RRAGD: variants seen among roughly 807,000 people sequenced by gnomAD.
RRAGD encodes Ras related GTP binding D.
A neutral mutation model predicts 35.5 loss-of-function variants in RRAGD; 12 were observed. That is an observed-to-expected ratio of 0.34 (90% CI 0.22 to 0.55). The LOEUF (loss-of-function observed/expected upper bound fraction) is 0.55. Ranked by LOEUF, RRAGD falls within the 20% of genes least tolerant of loss-of-function variation. The pLI is 0.91. For synonymous variants in RRAGD, 155 were observed against 178.9 expected (o/e 0.87, Z 1.07); for missense variants, 324 against 490.1 (o/e 0.66, Z 3.20).
chr6:89,403,193 G>A (rs1769507783), intron 1 of RRAGD, among the ~76,000 whole-genome samples: 1 of 152,158 alleles, frequency 6.6e-6, no homozygotes, highest in African/African-American at 2.4e-5. Flanking sequence ...TGTAATCTCA[G>A]CACTTTGGGA....
rs1555402 is a variant in RRAGD, at chr6:89,366,665, C to T, written c.*1391G>A. 43,964 of 151,772 alleles carry T rather than the reference C, an allele frequency of 0.29. 7,185 individuals carry two copies. The highest frequency in any genetic ancestry group is 0.43 in the African/African-American group (17,910 of 41,342). 9.4% of individuals were successfully genotyped at this position (151,772 alleles called of 1,614,324 possible). A position where few individuals can be genotyped will look rare whatever the true frequency, so the allele number is the denominator to read the frequency against. ...ATTTTCTAATGCCCCACAAGCATGCCTTAGGGTGCTAACCCTTGAGATGCA... is the reference window on the plus strand; with the variant it reads ...ATTTTCTAATGCCCCACAAGCATGCTTTAGGGTGCTAACCCTTGAGATGCA... On this transcript the variant is annotated 3_prime_UTR_variant, in exon 7 of 7. Coordinates refer to ENST00000369415, the MANE Select transcript of RRAGD (RefSeq NM_021244.5).
Position 89,364,965 on chromosome 6 carries a change from G to A in RRAGD, c.*3091C>T, listed in dbSNP as rs1201076973. On this transcript the variant is annotated 3_prime_UTR_variant, in exon 7 of 7. Coordinates refer to ENST00000369415, the MANE Select transcript of RRAGD (RefSeq NM_021244.5). Reference sequence around the variant, plus strand: ...GATGTACTGCTTAAAGTAAAACATGGACTATACCTGATTACAAATTACATC... The same window carrying A: ...GATGTACTGCTTAAAGTAAAACATGAACTATACCTGATTACAAATTACATC... 1 of 152,176 alleles carries A rather than the reference G, an allele frequency of 6.6e-6. No individual in the cohort carries two copies. Among genetic ancestry groups the A allele is most frequent in the African/African-American group, 2.4e-5 (1 of 41,444 alleles). 9.4% of individuals were successfully genotyped at this position (152,176 alleles called of 1,614,324 possible).
At chr6:89,394,047 G>T (rs56296624) in intron 1 of RRAGD, among the ~76,000 whole-genome samples, 3,667 of 152,222 alleles carry the variant, frequency 0.024, 147 homozygotes, top group African/African-American at 0.084. Flanking sequence ...GTGGCATCAG[G>T]AATAAGATTC....
chr6:89,405,117 A>G (rs575248318), intron 1 of RRAGD, among the ~76,000 whole-genome samples: 6 of 152,194 alleles, frequency 3.9e-5, no homozygotes, highest in South Asian at 2.1e-4. Flanking sequence ...TTGGGAGGCC[A>G]AGGTGGGCGG....
At chr6:89,406,034 G>C (rs1769571668) in intron 1 of RRAGD, among the ~76,000 whole-genome samples, 1 of 152,156 alleles carries the variant, frequency 6.6e-6, no homozygotes, top group Non-Finnish European at 1.5e-5. Flanking sequence ...ATTTTTCAAA[G>C]GCATAAAGAT....
At chr6:89,398,511 A>C (rs1249624306) in intron 1 of RRAGD, among the ~76,000 whole-genome samples, 3 of 152,260 alleles carry the variant, frequency 2.0e-5, no homozygotes, top group Non-Finnish European at 4.4e-5. Flanking sequence ...TTATGAATGC[A>C]GATTTAAAGT....
intron 1 of RRAGD, among the ~76,000 whole-genome samples, chr6:89,391,324 G>T (rs1439930389): frequency 2.0e-5 from 3 of 151,558 alleles, no homozygotes; most frequent in Non-Finnish European, 4.4e-5. Context: ...GCTCGAGGCT[G>T]CAGTGAGCCA....
At chr6:89,369,374 C>G (rs1768819430) in intron 6 of RRAGD, among the ~76,000 whole-genome samples, 1 of 152,202 alleles carries the variant, frequency 6.6e-6, no homozygotes, top group Admixed American at 6.5e-5. Flanking sequence ...GTGCAACAAA[C>G]TGTCTTAAAA....
At chr6:89,385,554 C>T (rs1245172123) in intron 2 of RRAGD, among the ~76,000 whole-genome samples, 2 of 152,218 alleles carry the variant, frequency 1.3e-5, no homozygotes, top group Admixed American at 1.3e-4. Context: ...GCAGGGGATA[C>T]TGCCAAGACC....
Position 89,412,004 on chromosome 6 carries a change from G to A in RRAGD, c.-11C>T. On this transcript the variant is annotated 5_prime_UTR_variant, in exon 1 of 7. Transcript: ENST00000369415. The surrounding 1 kb of genome is among the most constrained non-coding windows in gnomAD (Gnocchi z 4.2). ...CAGCACCTGGCTCATCGTGCCCACC[G>A]GCCGGCCGGCCCGGGGACGGCGGGG... The A allele has an allele frequency of 6.6e-7, 1 of 1,523,478 alleles. No individual in the cohort carries two copies. Among genetic ancestry groups the A allele is most frequent in the Non-Finnish European group, 8.8e-7 (1 of 1,140,420 alleles). The allele number at this position is 1,523,478 out of a possible 1,614,324, so 94.4% of individuals were successfully genotyped here. A position where few individuals can be genotyped will look rare whatever the true frequency, so the allele number is the denominator to read the frequency against.
chr6:89,404,303 T>C (rs776446181), intron 1 of RRAGD, among the ~76,000 whole-genome samples: 1 of 152,154 alleles, frequency 6.6e-6, no homozygotes, highest in Non-Finnish European at 1.5e-5. Flanking sequence ...AAACACTCAA[T>C]AGATGTTTGT....
intron 1 of RRAGD, among the ~76,000 whole-genome samples, chr6:89,390,113 T>G (rs751594472): frequency 1.2e-4 from 19 of 152,162 alleles, no homozygotes; most frequent in Non-Finnish European, 2.4e-4. Flanking sequence ...GCAACATAGG[T>G]GTAAATCTTG....
intron 1 of RRAGD, among the ~76,000 whole-genome samples, chr6:89,396,945 C>T (rs9444688): frequency 0.26 from 38,869 of 150,074 alleles, 5,469 homozygotes; most frequent in African/African-American, 0.36. Flanking sequence ...TTCACCATGT[C>T]GGCCAGGCTG....
chr6:89,391,145 G>A (rs920337874), intron 1 of RRAGD, among the ~76,000 whole-genome samples: 1 of 152,150 alleles, frequency 6.6e-6, no homozygotes, highest in Non-Finnish European at 1.5e-5. Flanking sequence ...AGTACTTTGG[G>A]AGGCTGAGGC....
Position 89,377,710 on chromosome 6 carries a change from T to C in RRAGD, c.863A>G (p.Asp288Gly). The part of the protein sequence containing the change: ...VDMQTYELCC[D>G]MIDVVIDISC... ...GATGTCAATAACCACATCTATCATA[T>C]CACAGCAGAGCTCATAGGTTTGCAT... Residue 288 changes from aspartate (D) to glycine (G), a missense_variant, in exon 5 of 7, where the codon GAT becomes GGT. Physicochemically the swap from Asp to Gly is moderately conservative, Grantham distance 94. Coordinates refer to ENST00000369415, the MANE Select transcript of RRAGD (RefSeq NM_021244.5). The C allele has an allele frequency of 1.9e-6, 3 of 1,609,674 alleles. No individual in the cohort carries two copies. The highest frequency in any genetic ancestry group is 2.5e-6 in the Non-Finnish European group (3 of 1,178,664).
chr6:89,397,541 T>TGC (rs1769361700), intron 1 of RRAGD, among the ~76,000 whole-genome samples: 1 of 151,890 alleles, frequency 6.6e-6, no homozygotes. Context: ...GAGGCGGAGC[T>TGC]TGCAGTGAGC....
chr6:89,410,563 G>A (rs1769673561), intron 1 of RRAGD, among the ~76,000 whole-genome samples: 1 of 152,176 alleles, frequency 6.6e-6, no homozygotes, highest in Admixed American at 6.5e-5. Context: ...AAAGCACAAA[G>A]GTGCACACAT....
Position 89,412,128 on chromosome 6 carries a change from G to A in RRAGD, c.-135C>T, listed in dbSNP as rs1769718104. ...TCAGCGGGGCCCGGCGGAAGCGGGGGCCGCGCGTCCCCCGGCGGGCGGCGC... is the reference window on the plus strand; with the variant it reads ...TCAGCGGGGCCCGGCGGAAGCGGGGACCGCGCGTCCCCCGGCGGGCGGCGC... On this transcript the variant is annotated 5_prime_UTR_variant, in exon 1 of 7. Coordinates refer to ENST00000369415, the MANE Select transcript of RRAGD (RefSeq NM_021244.5). This position sits in a 1 kb window ranked among gnomAD's most constrained non-coding sequence, Gnocchi z 4.2. The A allele has an allele frequency of 1.2e-5, 10 of 854,296 alleles. No homozygotes were observed. Among genetic ancestry groups the A allele is most frequent in the Middle Eastern group, 4.1e-4 (1 of 2,430 alleles). The allele number at this position is 854,296 out of a possible 1,614,324, so 52.9% of individuals were successfully genotyped here. A position where few individuals can be genotyped will look rare whatever the true frequency, so the allele number is the denominator to read the frequency against.
intron 1 of RRAGD, among the ~76,000 whole-genome samples, chr6:89,400,257 T>G (rs1255188417): frequency 2.0e-5 from 3 of 152,038 alleles, no homozygotes; most frequent in Non-Finnish European, 4.4e-5. Flanking sequence ...ATAAAGAGAT[T>G]TAAAAACAAA....
Sources: gnomAD v4.1 joint callset for allele counts (sites outside exome capture counted in the v4.1 genomes callset) on GRCh38, gnomAD v4.1.1 for gene constraint, Gnocchi (gnomAD v3.1) non-coding constraint, MANE v1.5 for transcripts, NCBI Gene and HGNC (gene_info 2026-07-23, HGNC 2026-07-21) for gene names.